CCSER1: variants seen among roughly 807,000 people sequenced by gnomAD.
CCSER1 encodes the protein serine-rich coiled-coil domain-containing protein 1.
Under a neutral mutation model 82.0 loss-of-function variants are expected in CCSER1, and 41 were observed. That is an observed-to-expected ratio of 0.50 (90% CI 0.39 to 0.65). The LOEUF (loss-of-function observed/expected upper bound fraction) is 0.65. Among genes scored for constraint, CCSER1 ranks in the 30% least tolerant of loss-of-function variants. The pLI, the probability that CCSER1 is intolerant of heterozygous loss-of-function variation, is 0.00. For synonymous variants in CCSER1, 414 were observed against 383.9 expected (o/e 1.08, Z -0.92); for missense variants, 1,119 against 1,064.2 (o/e 1.05, Z -0.72).
At chr4:90,995,635 T>G (rs1737425212) in intron 9 of CCSER1, among the ~76,000 whole-genome samples, 1 of 152,138 alleles carries the variant, frequency 6.6e-6, no homozygotes, top group African/African-American at 2.4e-5. Context: ...ATTACAAAAT[T>G]TTTTAAAGTT....
chr4:91,331,542 T>C (rs1746955678), intron 10 of CCSER1, among the ~76,000 whole-genome samples: 1 of 152,112 alleles, frequency 6.6e-6, no homozygotes, highest in Non-Finnish European at 1.5e-5. Context: ...TTACCCTCTT[T>C]ACCTTTCTAG....
At chr4:90,725,628 T>A (rs1343926362) in intron 7 of CCSER1, among the ~76,000 whole-genome samples, 1 of 151,570 alleles carries the variant, frequency 6.6e-6, no homozygotes, top group Non-Finnish European at 1.5e-5. Context: ...TAAAACTTTA[T>A]CTGCTTCTTT....
intron 8 of CCSER1, among the ~76,000 whole-genome samples, chr4:90,889,009 T>C (rs1193843607): frequency 6.6e-6 from 1 of 152,098 alleles, no homozygotes; most frequent in Non-Finnish European, 1.5e-5. Context: ...TGTCAGATAG[T>C]CCAATTTTAC....
intron 10 of CCSER1, among the ~76,000 whole-genome samples, chr4:91,086,447 A>G (rs1723403872): frequency 6.6e-6 from 1 of 152,040 alleles, no homozygotes; most frequent in Non-Finnish European, 1.5e-5. Flanking sequence ...GAGAGTATGA[A>G]GTTGCTCTGG....
intron 1 of CCSER1, among the ~76,000 whole-genome samples, chr4:90,286,669 A>G (rs1257648778): frequency 2.6e-5 from 4 of 152,038 alleles, no homozygotes; most frequent in Non-Finnish European, 5.9e-5. Flanking sequence ...GGACAGGGCT[A>G]GTGTTGGCTT....
intron 5 of CCSER1, among the ~76,000 whole-genome samples, chr4:90,508,779 T>C (rs188320566): frequency 3.9e-4 from 60 of 152,138 alleles, no homozygotes; most frequent in African/African-American, 1.3e-3. Context: ...AATATCTTTT[T>C]TATTTAAAAC....
At chr4:91,297,836 G>A (rs1305542795) in intron 10 of CCSER1, among the ~76,000 whole-genome samples, 1 of 152,004 alleles carries the variant, frequency 6.6e-6, no homozygotes, top group Non-Finnish European at 1.5e-5. Context: ...GGTACTTGAG[G>A]AAAAGTGGTA....
At chr4:91,060,142 CT>C (rs1314614468) in intron 9 of CCSER1, among the ~76,000 whole-genome samples, 1 of 151,978 alleles carries the variant, frequency 6.6e-6, no homozygotes, top group East Asian at 1.9e-4. Context: ...TATTCAGTAT[CT>C]TTAAAATTCC....
chr4:90,932,889 A>AGAAAGAAGGAAG (rs1554045980), intron 9 of CCSER1, among the ~76,000 whole-genome samples: 1 of 49,664 alleles, frequency 2.0e-5, no homozygotes. Context: ...AAGGAAAGAA[A>AGAAAGAAGGAAG]GAAGGAAGGA....
intron 10 of CCSER1, among the ~76,000 whole-genome samples, chr4:91,493,117 G>A (rs548547116): frequency 1.1e-4 from 17 of 150,558 alleles, no homozygotes; most frequent in South Asian, 2.1e-4. Context: ...AGAAGTAAAC[G>A]TAATTAAATA....
chr4:90,908,452 AT>A (rs1725827495), intron 8 of CCSER1, among the ~76,000 whole-genome samples: 2 of 152,296 alleles, frequency 1.3e-5, no homozygotes, highest in South Asian at 4.1e-4. Flanking sequence ...GCTGTACATC[AT>A]GGTAAAAAGT....
intron 6 of CCSER1, among the ~76,000 whole-genome samples, chr4:90,692,216 A>G (rs1471702563): frequency 6.6e-6 from 1 of 151,844 alleles, no homozygotes; most frequent in African/African-American, 2.4e-5. Context: ...TTTTATTTAT[A>G]GACAGTTTGT....
chr4:90,861,807 G>A (rs952450297), intron 8 of CCSER1, among the ~76,000 whole-genome samples: 1 of 151,052 alleles, frequency 6.6e-6, no homozygotes, highest in Non-Finnish European at 1.5e-5. Context: ...ATTTCCAGAT[G>A]AGAAAATAGA....
intron 10 of CCSER1, among the ~76,000 whole-genome samples, chr4:91,526,709 A>G (rs1760783305): frequency 6.6e-6 from 1 of 152,036 alleles, no homozygotes; most frequent in African/African-American, 2.4e-5. Flanking sequence ...GGTTCAAGCG[A>G]TTCTCCTGCC....
chr4:91,331,134 T>C (rs1474039444), intron 10 of CCSER1, among the ~76,000 whole-genome samples: 1 of 152,112 alleles, frequency 6.6e-6, no homozygotes, highest in East Asian at 1.9e-4. Context: ...TCATAGAATG[T>C]TGGAAATGGA....
At chr4:90,979,004 T>C (rs946975749) in intron 9 of CCSER1, among the ~76,000 whole-genome samples, 5 of 151,670 alleles carry the variant, frequency 3.3e-5, no homozygotes, top group Admixed American at 3.3e-4. Flanking sequence ...ATAAATTTAT[T>C]CTAGAAGAGG....
At chr4:91,257,690 CAATG>C (rs375994393) in intron 10 of CCSER1, among the ~76,000 whole-genome samples, 36 of 152,180 alleles carry the variant, frequency 2.4e-4, no homozygotes, top group East Asian at 2.3e-3. Context: ...TGTAACCACT[CAATG>C]AACTTAAATT....
At chr4:90,948,581 CAG>C (rs1157758371) in intron 9 of CCSER1, among the ~76,000 whole-genome samples, 7 of 151,872 alleles carry the variant, frequency 4.6e-5, no homozygotes, top group African/African-American at 1.7e-4. Context: ...AATTAATACA[CAG>C]ATTATGAGAA....
intron 10 of CCSER1, among the ~76,000 whole-genome samples, chr4:91,231,365 A>G (rs557194028): frequency 6.6e-6 from 1 of 152,072 alleles, no homozygotes; most frequent in East Asian, 1.9e-4. Flanking sequence ...TGAGTATAGG[A>G]TAATTCCATT....
Sources: allele counts gnomAD v4.1 joint callset (sites outside exome capture counted in the v4.1 genomes callset), GRCh38; gene constraint gnomAD v4.1.1; transcripts MANE v1.5; gene names NCBI Gene and HGNC (gene_info 2026-07-23, HGNC 2026-07-21).